Variants in ZBTB20 observed in about 807,000 individuals in gnomAD.
ZBTB20 encodes zinc finger and BTB domain-containing protein 20.
ZBTB20 carries 9 observed loss-of-function variants against 56.9 expected under a neutral mutation model. The observed-to-expected ratio is 0.16, with a 90% CI of 0.10 to 0.28. The LOEUF (loss-of-function observed/expected upper bound fraction) is 0.28. Ranked by LOEUF, ZBTB20 falls within the 10% of genes least tolerant of loss-of-function variation. ZBTB20 has a pLI of 1.00. For synonymous variants in ZBTB20, 417 were observed against 420.7 expected (o/e 0.99, Z 0.11); for missense variants, 655 against 1,003.0 (o/e 0.65, Z 4.69).
intron 2 of ZBTB20, among the ~76,000 whole-genome samples, chr3:115,036,603 C>T (rs565764842): frequency 6.6e-6 from 1 of 152,118 alleles, no homozygotes. Context: ...TTAGTAGAGA[C>T]GGCGTTTCAC....
intron 6 of ZBTB20, among the ~76,000 whole-genome samples, chr3:114,636,195 T>C (rs1393968048): frequency 2.6e-5 from 4 of 152,112 alleles, no homozygotes; most frequent in Non-Finnish European, 4.4e-5. Flanking sequence ...AGAAAAGCCA[T>C]CCTTCAATAA....
chr3:114,710,018 T>C (rs1357225739), intron 5 of ZBTB20, among the ~76,000 whole-genome samples: 1 of 152,188 alleles, frequency 6.6e-6, no homozygotes, highest in Non-Finnish European at 1.5e-5. Flanking sequence ...TTCACATTGA[T>C]TTTTCCTACA....
At chr3:114,385,643 C>CGG (rs1559718372) in intron 8 of ZBTB20, among the ~76,000 whole-genome samples, 1 of 151,966 alleles carries the variant, frequency 6.6e-6, no homozygotes, top group Non-Finnish European at 1.5e-5. Flanking sequence ...TCGAGGCGGG[C>CGG]GGATCACGAG....
At chr3:114,873,156 A>G (rs770878876) in intron 4 of ZBTB20, 4 of 152,054 alleles carry the variant, frequency 2.6e-5, no homozygotes, top group Non-Finnish European at 5.9e-5. Context: ...ATCATGAGAA[A>G]CTATCATGTT....
chr3:115,043,187 GAATT>G (rs1486870683), intron 2 of ZBTB20, among the ~76,000 whole-genome samples: 1 of 152,034 alleles, frequency 6.6e-6, no homozygotes, highest in Non-Finnish European at 1.5e-5. Flanking sequence ...TTCTATATCA[GAATT>G]AATGAGCCTA....
intron 7 of ZBTB20, among the ~76,000 whole-genome samples, chr3:114,422,522 T>G (rs1424267254): frequency 2.0e-5 from 3 of 152,188 alleles, no homozygotes; most frequent in African/African-American, 7.2e-5. Flanking sequence ...AAAATAGATT[T>G]ACCCTGCACC....
At chr3:114,423,935 C>T (rs192293145) in intron 7 of ZBTB20, among the ~76,000 whole-genome samples, 4 of 152,302 alleles carry the variant, frequency 2.6e-5, no homozygotes, top group Admixed American at 2.0e-4. Context: ...AAGTTGACTA[C>T]GGTCATAGGG....
At chr3:114,474,944 T>C (rs984846757) in intron 7 of ZBTB20, among the ~76,000 whole-genome samples, 2 of 152,176 alleles carry the variant, frequency 1.3e-5, no homozygotes, top group Admixed American at 1.3e-4. Context: ...TGTTGCCAGA[T>C]TAATCTTCCT....
intron 6 of ZBTB20, among the ~76,000 whole-genome samples, chr3:114,595,016 T>C (rs2056189101): frequency 6.6e-6 from 1 of 152,236 alleles, no homozygotes; most frequent in Non-Finnish European, 1.5e-5. Flanking sequence ...TATACTTATA[T>C]AATATTTTCC....
intron 2 of ZBTB20, among the ~76,000 whole-genome samples, chr3:115,041,788 G>T (rs948396843): frequency 6.6e-6 from 1 of 152,114 alleles, no homozygotes; most frequent in African/African-American, 2.4e-5. Flanking sequence ...AGCCATCTCT[G>T]CCCCATGTCA....
At chr3:115,117,694 T>C (rs1281643419) in intron 1 of ZBTB20, among the ~76,000 whole-genome samples, 6 of 152,168 alleles carry the variant, frequency 3.9e-5, no homozygotes, top group Non-Finnish European at 8.8e-5. Flanking sequence ...GCTTGTGATA[T>C]ACAATATTTA....
intron 4 of ZBTB20, among the ~76,000 whole-genome samples, chr3:114,811,451 C>G (rs2072506711): frequency 6.6e-6 from 1 of 152,118 alleles, no homozygotes; most frequent in African/African-American, 2.4e-5. Flanking sequence ...CAAAATAACT[C>G]CTATCACATG....
chr3:114,568,603 A>C (rs11714846), intron 6 of ZBTB20, among the ~76,000 whole-genome samples: 14,203 of 152,230 alleles, frequency 0.093, 771 homozygotes, highest in African/African-American at 0.14. Flanking sequence ...GCCTATCAAC[A>C]CTTCATTCTT....
At position 114,380,273 on chromosome 3, in the gene ZBTB20, A is replaced by G; in HGVS notation, c.143T>C (p.Leu48Pro). ...TGTCAGTGAATGTGTTGAGTGGATGAGGGCTGGGTCTGGAGACAAAACAGC... is the reference window on the plus strand; with the variant it reads ...TGTCAGTGAATGTGTTGAGTGGATGGGGGCTGGGTCTGGAGACAAAACAGC... Reference protein sequence around the residue: ...FEAVLSPDPALIHSTHSLTNS... With the variant: ...FEAVLSPDPAPIHSTHSLTNS... The change falls in exon 10 of 12, where the codon CTC becomes CCC. Residue 48 changes from leucine (L) to proline (P), a missense_variant. Leu to Pro is a moderately conservative substitution (Grantham distance 98, BLOSUM62 -3). This residue lies in a region of ZBTB20 where 79 missense variants were observed against 78.4 expected (regional missense o/e 1.01). Coordinates refer to ENST00000675478, the MANE Select transcript of ZBTB20 (RefSeq NM_001348800.3). The G allele has an allele frequency of 6.5e-7, 1 of 1,537,148 alleles. No individual in the cohort carries two copies. Among genetic ancestry groups the G allele is most frequent in the Non-Finnish European group, 8.7e-7 (1 of 1,146,868 alleles).
chr3:114,442,013 G>A (rs1015605209), intron 7 of ZBTB20, among the ~76,000 whole-genome samples: 4 of 152,130 alleles, frequency 2.6e-5, no homozygotes, highest in Non-Finnish European at 5.9e-5. Flanking sequence ...TCCAAAGCTC[G>A]TGTTTGGTGG....
chr3:114,777,670 T>C (rs1343298603), intron 5 of ZBTB20, among the ~76,000 whole-genome samples: 1 of 152,156 alleles, frequency 6.6e-6, no homozygotes, highest in Non-Finnish European at 1.5e-5. Flanking sequence ...GTTCAACCAT[T>C]GTGGAAGTCG....
intron 3 of ZBTB20, among the ~76,000 whole-genome samples, chr3:114,961,569 G>A (rs1169223810): frequency 6.6e-6 from 1 of 152,030 alleles, no homozygotes; most frequent in Non-Finnish European, 1.5e-5. Context: ...TCTAATTGAT[G>A]AATCTTCTTC....
intron 1 of ZBTB20, among the ~76,000 whole-genome samples, chr3:115,110,301 C>T (rs1440173313): frequency 6.6e-6 from 1 of 152,048 alleles, no homozygotes; most frequent in Admixed American, 6.5e-5. Context: ...ATGATAGCAG[C>T]CTGCTAAGCC....
At chr3:114,592,685 CA>C (rs1013669751) in intron 6 of ZBTB20, among the ~76,000 whole-genome samples, 4 of 152,172 alleles carry the variant, frequency 2.6e-5, no homozygotes, top group Non-Finnish European at 5.9e-5. Context: ...ACAAACATAA[CA>C]ATGTTTTTAA....
Sources: allele counts gnomAD v4.1 joint callset (sites outside exome capture counted in the v4.1 genomes callset), GRCh38; gene constraint gnomAD v4.1.1; regional missense constraint gnomAD v4.1.1; transcripts MANE v1.5; gene names NCBI Gene and HGNC (gene_info 2026-07-23, HGNC 2026-07-21).